SUSD3: variants seen among roughly 807,000 people sequenced by gnomAD.
The protein encoded by SUSD3 is sushi domain containing 3.
SUSD3 carries 18 observed loss-of-function variants against 20.6 expected under a neutral mutation model. That is an observed-to-expected ratio of 0.87 (90% CI 0.60 to 1.30). The LOEUF is 1.30. Ranked by LOEUF, SUSD3 falls within the 50% of genes most tolerant of loss-of-function variation. The pLI is 0.00. For missense variants in SUSD3, 306 were observed against 346.9 expected (o/e 0.88, Z 0.94); for synonymous variants, 137 against 141.5 (o/e 0.97, Z 0.23).
chr9:93,062,917 C>T (rs927130381), intron 1 of SUSD3, among the ~76,000 whole-genome samples: 12 of 152,218 alleles, frequency 7.9e-5, no homozygotes, highest in African/African-American at 2.4e-4. Context: ...GCTGTGAGTT[C>T]GCTGTGAATC....
intron 1 of SUSD3, among the ~76,000 whole-genome samples, chr9:93,068,133 A>G (rs1382547214): frequency 6.6e-6 from 1 of 152,162 alleles, no homozygotes; most frequent in Admixed American, 6.5e-5. Context: ...CATGATTTGC[A>G]AGTATTTTCT....
At chr9:93,076,744 ATGATGGAGC>A (rs1184448129) in intron 2 of SUSD3, among the ~76,000 whole-genome samples, 1 of 152,238 alleles carries the variant, frequency 6.6e-6, no homozygotes, top group Non-Finnish European at 1.5e-5. Context: ...AGGATTAACT[ATGATGGAGC>A]TCAACCTTCA....
chr9:93,073,435 A>C (rs1294302161), intron 1 of SUSD3, among the ~76,000 whole-genome samples: 2 of 151,986 alleles, frequency 1.3e-5, no homozygotes, highest in Non-Finnish European at 2.9e-5. Context: ...TTTTTAGTAA[A>C]GACGGGGTTT....
intron 1 of SUSD3, among the ~76,000 whole-genome samples, chr9:93,072,356 A>C (rs1454821995): frequency 6.6e-6 from 1 of 152,190 alleles, no homozygotes; most frequent in Non-Finnish European, 1.5e-5. Context: ...GGCCAGGGGC[A>C]GGGGGACCAC....
intron 4 of SUSD3, 21 bp downstream of exon 4, chr9:93,079,623 G>A (rs755585698): frequency 6.2e-7 from 1 of 1,611,802 alleles, no homozygotes; most frequent in Non-Finnish European, 8.5e-7. Flanking sequence ...GTCTGGGTAG[G>A]GGACATGCTG....
chr9:93,079,367 A>G, intron 3 of SUSD3, 104 bp from the exon 4 acceptor site: 1 of 1,325,012 alleles, frequency 7.5e-7, no homozygotes, highest in Non-Finnish European at 1.1e-6. Flanking sequence ...GCCAGCCTGC[A>G]CTGGTCCTGC....
At chr9:93,075,080 G>T (rs1384001489) in intron 1 of SUSD3, among the ~76,000 whole-genome samples, 3 of 152,092 alleles carry the variant, frequency 2.0e-5, no homozygotes, top group African/African-American at 7.2e-5. Context: ...CCTCACCGAC[G>T]CAGGAAAAAT....
chr9:93,075,710 G>A, intron 1 of SUSD3, 74 bp from the exon 2 acceptor site: 2 of 936,590 alleles, frequency 2.1e-6, no homozygotes, highest in Non-Finnish European at 3.1e-6. Context: ...CCTCACTCCA[G>A]GGTCCTGCCC....
intron 1 of SUSD3, chr9:93,069,095 G>A (rs1396758710): frequency 1.4e-6 from 1 of 702,628 alleles, no homozygotes; most frequent in African/African-American, 1.7e-5. Context: ...ATGAGATGAA[G>A]TGAGATGAAA....
In SUSD3 at chr9:93,075,973, G is replaced by C; in HGVS notation, c.277+1G>C. ...TCTTCAGGGTCCCCAGTGTGCAAAC[G>C]TAAGGACCCCTCTCTCAGCTCGGTG... On this transcript the variant is annotated splice_donor_variant, in intron 2 of 4. Transcript: ENST00000375472. LOFTEE classifies it high-confidence loss of function. The C allele has an allele frequency of 4.4e-6, 7 of 1,587,032 alleles. No homozygotes were observed. The highest frequency in any genetic ancestry group is 5.2e-6 in the Non-Finnish European group (6 of 1,161,804).
chr9:93,080,330 A>AC (rs1371842073), intron 4 of SUSD3, among the ~76,000 whole-genome samples: 4 of 151,336 alleles, frequency 2.6e-5, no homozygotes. Context: ...AAAAAAAAAA[A>AC]AAAAAAAAAA....
rs565674661 is a variant in SUSD3, at chr9:93,069,777, C to CT, written c.89-5997dup. Among the ~76,000 whole-genome samples, 774 of 147,436 alleles carry CT rather than the reference C, an allele frequency of 5.2e-3. 7 individuals are homozygous for CT. Among genetic ancestry groups the CT allele is most frequent in the African/African-American group, 0.018 (725 of 40,156 alleles). On this transcript the variant is annotated intron_variant, in intron 1 of 4. Coordinates refer to ENST00000375472, the MANE Select transcript of SUSD3 (RefSeq NM_145006.4). The stretch of plus-strand genomic sequence containing the variant: ...CTAATGGAGATTGTTTTACTTCTTC[C>CT]TTTTTTTTTTCTTTTTTTTTGAGAT...
chr9:93,074,922 T>C (rs761490987), intron 1 of SUSD3, among the ~76,000 whole-genome samples: 1 of 152,162 alleles, frequency 6.6e-6, no homozygotes, highest in Non-Finnish European at 1.5e-5. Flanking sequence ...AGCAGATTCT[T>C]ATTTCCTGTG....
At chr9:93,064,753 G>A (rs190243217) in intron 1 of SUSD3, among the ~76,000 whole-genome samples, 106 of 152,294 alleles carry the variant, frequency 7.0e-4, no homozygotes, top group Admixed American at 1.6e-3. Context: ...GCCTTGCTGG[G>A]ATGATCATCA....
chr9:93,078,044 C>T, intron 3 of SUSD3, 51 bp downstream of exon 3: 1 of 1,612,128 alleles, frequency 6.2e-7, no homozygotes, highest in Non-Finnish European at 8.5e-7. Context: ...CCTCTTGGCA[C>T]CATGGGAGGA....
intron 4 of SUSD3, among the ~76,000 whole-genome samples, chr9:93,083,037 C>A (rs2119014256): frequency 6.6e-6 from 1 of 152,332 alleles, no homozygotes; most frequent in African/African-American, 2.4e-5. Context: ...GGCCACAGAT[C>A]TGTGTACAGG....
At chr9:93,078,195 G>A (rs935254346) in intron 3 of SUSD3, among the ~76,000 whole-genome samples, 2 of 152,238 alleles carry the variant, frequency 1.3e-5, no homozygotes, top group Non-Finnish European at 2.9e-5. Context: ...CACAGCTGGG[G>A]GACATGTGGG....
chr9:93,076,189 A>G (rs1232016815), intron 2 of SUSD3, among the ~76,000 whole-genome samples: 2 of 152,176 alleles, frequency 1.3e-5, no homozygotes, highest in African/African-American at 4.8e-5. Context: ...GCACGGACCG[A>G]AAACCTAGTA....
At chr9:93,075,740 ACCCC>A (rs748856301) in intron 1 of SUSD3, 40 bp from the exon 2 acceptor site, 44 of 146,694 alleles carry the variant, frequency 3.0e-4, no homozygotes, top group Middle Eastern at 2.1e-3. Context: ...CTGCGTGCCC[ACCCC>A]CCCCCCCCCG....
Sources: gnomAD v4.1 joint callset for allele counts (sites outside exome capture counted in the v4.1 genomes callset) on GRCh38, gnomAD v4.1.1 for gene constraint, MANE v1.5 for transcripts, NCBI Gene and HGNC (gene_info 2026-07-23, HGNC 2026-07-21) for gene names.